Variants in DTNA observed in about 807,000 individuals in gnomAD.
DTNA encodes the protein dystrophin-related protein 3.
Under a neutral mutation model 100.7 loss-of-function variants are expected in DTNA, and 43 were observed. That is an observed-to-expected ratio of 0.43 (90% CI 0.33 to 0.55). The LOEUF (loss-of-function observed/expected upper bound fraction) is 0.55. DTNA is among the 20% of genes least tolerant of loss of function. The pLI is 0.04. For missense variants in DTNA, 798 were observed against 953.9 expected, an observed-to-expected ratio of 0.84 and a Z score of 2.15; for synonymous variants, 349 against 347.9, an observed-to-expected ratio of 1.00 and a Z score of -0.04.
chr18:34,775,372 G>C (rs1026261512), intron 3 of DTNA, among the ~76,000 whole-genome samples: 42 of 152,228 alleles, frequency 2.8e-4, no homozygotes, highest in African/African-American at 9.4e-4. Context: ...AGTAGTCCCA[G>C]CTACTCAGGA....
chr18:34,840,534 A>C (rs903374817), intron 13 of DTNA, among the ~76,000 whole-genome samples: 1 of 152,148 alleles, frequency 6.6e-6, no homozygotes, highest in Non-Finnish European at 1.5e-5. Context: ...CCTTTTCTTA[A>C]TTAAGGTTGT....
chr18:34,600,402 C>A (rs1224912175), intron 1 of DTNA, among the ~76,000 whole-genome samples: 1 of 152,086 alleles, frequency 6.6e-6, no homozygotes, highest in East Asian at 1.9e-4. Flanking sequence ...AATTATTTTT[C>A]TTTTTAAGTC....
chr18:34,716,717 A>G (rs1450787043), intron 1 of DTNA, among the ~76,000 whole-genome samples: 1 of 152,232 alleles, frequency 6.6e-6, no homozygotes, highest in Admixed American at 6.5e-5. Flanking sequence ...TGCCTGAATC[A>G]TGCTACTAAC....
chr18:34,791,377 C>A (rs1303680838), intron 3 of DTNA, among the ~76,000 whole-genome samples: 1 of 152,096 alleles, frequency 6.6e-6, no homozygotes, highest in African/African-American at 2.4e-5. Flanking sequence ...GGACGACAGG[C>A]TGGATGTCAT....
intron 22 of DTNA, among the ~76,000 whole-genome samples, chr18:34,887,517 TCTGGTACCCA>T (rs1469483862): frequency 3.9e-5 from 6 of 152,198 alleles, no homozygotes; most frequent in Non-Finnish European, 7.3e-5. Context: ...TCCAGATGCC[TCTGGTACCCA>T]CTAAGAAAGA....
intron 1 of DTNA, among the ~76,000 whole-genome samples, chr18:34,727,126 G>A (rs1226772084): frequency 6.6e-6 from 1 of 152,206 alleles, no homozygotes; most frequent in African/African-American, 2.4e-5. Flanking sequence ...AAAGGCTGGA[G>A]CCCTAGCAGC....
intron 1 of DTNA, chr18:34,679,621 G>T (rs2077810202): frequency 6.6e-6 from 1 of 152,152 alleles, no homozygotes; most frequent in South Asian, 2.1e-4. Context: ...AAGAACTTAA[G>T]ATGAATATTG....
chr18:34,821,847 C>T (rs1216226436), intron 9 of DTNA, among the ~76,000 whole-genome samples: 4 of 152,190 alleles, frequency 2.6e-5, no homozygotes, highest in Non-Finnish European at 4.4e-5. Flanking sequence ...GTTCATGCTT[C>T]AGGCAGTTCA....
intron 1 of DTNA, among the ~76,000 whole-genome samples, chr18:34,552,477 A>T (rs2045539024): frequency 6.7e-6 from 1 of 149,552 alleles, no homozygotes; most frequent in South Asian, 2.2e-4. Context: ...CGCTGCACCC[A>T]CTAACTCGTC....
intron 1 of DTNA, among the ~76,000 whole-genome samples, chr18:34,729,866 T>G (rs1019269347): frequency 1.3e-5 from 2 of 151,890 alleles, no homozygotes; most frequent in Admixed American, 6.6e-5. Context: ...CCTAAGGTTA[T>G]TTATACCTGC....
At chr18:34,806,464 C>A (rs192732770) in intron 5 of DTNA, among the ~76,000 whole-genome samples, 160 bp downstream of exon 5, 1 of 152,066 alleles carries the variant, frequency 6.6e-6, no homozygotes, top group Non-Finnish European at 1.5e-5. Flanking sequence ...TTTGTCATAG[C>A]GATATTTTCA....
At chr18:34,586,820 C>T (rs1011152217) in intron 1 of DTNA, among the ~76,000 whole-genome samples, 1 of 152,098 alleles carries the variant, frequency 6.6e-6, no homozygotes, top group Non-Finnish European at 1.5e-5. Context: ...AGAGGTGGTC[C>T]TCTGTCCCTG....
At chr18:34,804,087 G>A (rs951742172) in intron 4 of DTNA, among the ~76,000 whole-genome samples, 1 of 152,122 alleles carries the variant, frequency 6.6e-6, no homozygotes, top group East Asian at 1.9e-4. Context: ...AAAGTGAAGG[G>A]CAGAGTGATT....
At chr18:34,765,025 G>A (rs1403416757) in intron 2 of DTNA, among the ~76,000 whole-genome samples, 2 of 152,190 alleles carry the variant, frequency 1.3e-5, no homozygotes, top group Admixed American at 1.3e-4. Flanking sequence ...CAGCCCATCT[G>A]CAGGGTATTG....
Position 34,851,866 on chromosome 18 carries a change from T to C in DTNA, c.1470T>C (p.Ser490=). The change falls in exon 15 of 23, where the codon TCT becomes TCC. Residue 490 remains serine (S), a synonymous_variant. Transcript: ENST00000444659. ...AGCAGAGAAGTGCTCCTGACATCTC[T>C]TTCACCATCGATGCGAATAAGCAGC... ...PPQQRSAPDI[S]FTIDANKQQR... 1 of 1,614,110 alleles carries C rather than the reference T, an allele frequency of 6.2e-7. No homozygotes were observed. The highest frequency in any genetic ancestry group is 8.5e-7 in the Non-Finnish European group (1 of 1,179,958).
At chr18:34,831,196 TAGTC>T (rs1467112218) in intron 11 of DTNA, among the ~76,000 whole-genome samples, 1 of 152,204 alleles carries the variant, frequency 6.6e-6, no homozygotes, top group East Asian at 1.9e-4. Context: ...GCTTCTTCAT[TAGTC>T]AGAGTAAAGA....
At chr18:34,525,344 C>A (rs1028732041) in intron 1 of DTNA, among the ~76,000 whole-genome samples, 3 of 152,104 alleles carry the variant, frequency 2.0e-5, no homozygotes, top group African/African-American at 7.2e-5. Flanking sequence ...ATTCGTTTCT[C>A]CACTGCCCTT....
intron 1 of DTNA, among the ~76,000 whole-genome samples, chr18:34,637,347 G>A (rs2058772425): frequency 6.6e-6 from 1 of 152,160 alleles, no homozygotes; most frequent in South Asian, 2.1e-4. Context: ...CTTCAGAAGT[G>A]TAAAGCCACT....
At chr18:34,686,919 G>C (rs2078986377) in intron 1 of DTNA, among the ~76,000 whole-genome samples, 1 of 152,236 alleles carries the variant, frequency 6.6e-6, no homozygotes, top group East Asian at 1.9e-4. Context: ...AGATTTTCTA[G>C]TTTATTTGTG....
Sources: gnomAD v4.1 joint callset for allele counts (sites outside exome capture counted in the v4.1 genomes callset) on GRCh38, gnomAD v4.1.1 for gene constraint, MANE v1.5 for transcripts, NCBI Gene and HGNC (gene_info 2026-07-23, HGNC 2026-07-21) for gene names.